Variants in KRT3 observed in about 807,000 individuals in gnomAD.
The protein encoded by KRT3 is keratin 3.
A neutral mutation model predicts 45.8 loss-of-function variants in KRT3; 34 were observed. The observed-to-expected ratio is 0.74, with a 90% CI of 0.57 to 0.99. KRT3 has a LOEUF of 0.99. Among genes scored for constraint, KRT3 ranks in the 50% least tolerant of loss-of-function variants. The pLI is 0.00. For missense variants in KRT3, 828 were observed against 820.6 expected, an observed-to-expected ratio of 1.01 and a Z score of -0.11; for synonymous variants, 367 against 329.0, an observed-to-expected ratio of 1.12 and a Z score of -1.25.
rs752720864 is a variant in KRT3 at position 52,795,498 on chromosome 12, G to T, written c.545C>A (p.Pro182His). ...EVTINQSLLQ[P>H]LNVEIDPQIG... Reference sequence around the variant, plus strand: ...CTGGGGGTCGATCTCCACATTGAGGGGCTGCAGGAGACTCTGGTTGATAGT... The same window carrying T: ...CTGGGGGTCGATCTCCACATTGAGGTGCTGCAGGAGACTCTGGTTGATAGT... Residue 182 changes from proline to histidine, a missense_variant, in exon 1 of 9, where the codon CCC (proline) becomes CAC (histidine). Physicochemically the swap from Pro to His is moderately conservative, Grantham distance 77 (BLOSUM62 -2). Coordinates refer to ENST00000417996, the MANE Select transcript of KRT3 (RefSeq NM_057088.3). 5.0e-5 allele frequency: 80 copies of T among 1,613,946 alleles called. No homozygotes were observed. The East Asian group carries it at 1.7e-3, about 35-fold the overall frequency.
intron 8 of KRT3, among the ~76,000 whole-genome samples, 175 bp downstream of exon 8, chr12:52,790,663 C>G (rs1279318065): frequency 6.6e-6 from 1 of 152,176 alleles, no homozygotes; most frequent in African/African-American, 2.4e-5. Flanking sequence ...CCGTCGAAGC[C>G]TATTAAAAGT....
Position 52,792,303 on chromosome 12 carries a change from C to G in KRT3, c.1124G>C (p.Arg375Pro). 1 of 1,614,104 alleles carries G rather than the reference C, an allele frequency of 6.2e-7. No individual in the cohort carries two copies. Among genetic ancestry groups the G allele is most frequent in the South Asian group, 1.1e-5 (1 of 91,068 alleles). Residue 375 changes from arginine (R) to proline (P), a missense_variant, in exon 5 of 9, where the codon CGT becomes CCT. Transcript: ENST00000417996. The stretch of plus-strand genomic sequence containing the variant: ...CTGAGCGATATCCTCATACTGTGCA[C>G]GAACTTCAGCAATGATGCTGTCCAG... ...LDLDSIIAEV[R>P]AQYEDIAQRS...
rs369797699 is a variant in KRT3 at position 52,791,720 on chromosome 12, G to T, written c.1285C>A (p.Arg429=). 4 of 1,614,034 alleles carry T rather than the reference G, an allele frequency of 2.5e-6. No individual in the cohort carries two copies. The Admixed American group carries it at 6.7e-5, about 27-fold the overall frequency. Residue 429 remains arginine (R), a synonymous_variant, in exon 6 of 9, where the codon CGG becomes AGG. Coordinates refer to ENST00000417996, the MANE Select transcript of KRT3 (RefSeq NM_057088.3). ...IELNRMIQRL[R]AEIEGVKKQN... is the part of the protein sequence containing the mutation. Reference sequence around the variant, plus strand: ...TTCTTGACACCCTCGATCTCTGCCCGCAGCCTCTGGATCATTCTGTTGAGC... The same window carrying T: ...TTCTTGACACCCTCGATCTCTGCCCTCAGCCTCTGGATCATTCTGTTGAGC...
intron 1 of KRT3, 138 bp downstream of exon 1, chr12:52,795,260 T>C: frequency 9.4e-7 from 1 of 1,062,538 alleles, no homozygotes; most frequent in Non-Finnish European, 1.4e-6. Context: ...ACCCTGGATA[T>C]CTTCCCAGAC....
intron 5 of KRT3, 42 bp from the exon 6 acceptor site, chr12:52,791,858 C>T (rs1939517738): frequency 6.3e-7 from 1 of 1,594,204 alleles, no homozygotes; most frequent in Non-Finnish European, 8.6e-7. Context: ...TGCAGCTTTG[C>T]TTGACTTGTT....
chr12:52,795,472 T>A lies in KRT3; in HGVS notation c.571A>T (p.Ile191Phe), dbSNP rs1385304176. The A allele has an allele frequency of 1.2e-6, 2 of 1,613,878 alleles. No homozygotes were observed. Among genetic ancestry groups the A allele is most frequent in the Non-Finnish European group, 1.7e-6 (2 of 1,180,002 alleles). ...QPLNVEIDPQ[I>F]GQVKAQEREQ... ...CGCTCCTGGGCCTTTACTTGCCCAA[T>A]CTGGGGGTCGATCTCCACATTGAGG... Residue 191 changes from isoleucine (I) to phenylalanine (F), a missense_variant, in exon 1 of 9, where the codon ATT becomes TTT. Coordinates refer to ENST00000417996, the MANE Select transcript of KRT3 (RefSeq NM_057088.3).
Position 52,790,316 on chromosome 12 carries a change from T to TA in KRT3, c.1612dup (p.Tyr538LeufsTer190). 6.3e-7 allele frequency: 1 copy of TA among 1,584,750 alleles called. No homozygotes were observed. Among genetic ancestry groups the TA allele is most frequent in the Non-Finnish European group, 8.6e-7 (1 of 1,165,024 alleles). On this transcript the variant is annotated frameshift_variant, in exon 9 of 9. Transcript: ENST00000417996. LOFTEE classifies it low-confidence loss of function (END_TRUNC). Reference sequence around the variant, plus strand: ...CATGCCTCCGCCGTAACCTCCTCCATAGCCACCTGCGGAGGCGGAAGTCGT... The same window carrying TA: ...CATGCCTCCGCCGTAACCTCCTCCATAAGCCACCTGCGGAGGCGGAAGTCGT...
rs1592301518 is a variant in KRT3, at chr12:52,791,703, A to T, written c.1302T>A (p.Gly434=). ...MIQRLRAEIE[G]VKKQNANLQT... The stretch of plus-strand genomic sequence containing the variant: ...ATGACCATCCCACCTGCTTCTTGAC[A>T]CCCTCGATCTCTGCCCGCAGCCTCT... The change falls in exon 6 of 9, where the codon GGT becomes GGA. Residue 434 remains glycine, a synonymous_variant. Transcript: ENST00000417996. 6.2e-7 allele frequency: 1 copy of T among 1,613,676 alleles called. No homozygotes were observed. Among genetic ancestry groups the T allele is most frequent in the East Asian group, 2.2e-5 (1 of 44,860 alleles).
At chr12:52,790,512 A>G (rs1255930358) in intron 8 of KRT3, among the ~76,000 whole-genome samples, 154 bp from the exon 9 acceptor site, 7 of 151,650 alleles carry the variant, frequency 4.6e-5, no homozygotes, top group African/African-American at 1.5e-4. Flanking sequence ...GCCACTAGCT[A>G]CTCACTCCCC....
chr12:52,795,287 A>T, intron 1 of KRT3, 111 bp downstream of exon 1: 2 of 1,325,158 alleles, frequency 1.5e-6, no homozygotes, highest in Non-Finnish European at 1.1e-6. Flanking sequence ...GTTCCACCTA[A>T]CTCCTCACCC....
chr12:52,791,614 C>A (rs1271035949), intron 6 of KRT3, 77 bp downstream of exon 6: 2 of 1,586,610 alleles, frequency 1.3e-6, no homozygotes, highest in African/African-American at 1.3e-5. Context: ...GACGTCTATT[C>A]CAGGGGAGGA....
chr12:52,796,101 G>T lies in KRT3; in HGVS notation c.-59C>A. On this transcript the variant is annotated 5_prime_UTR_variant, in exon 1 of 9. Transcript: ENST00000417996. ...TAAGCAGGGACACTGAGAGTCAGAGGAAGAGGGATGGGAAATGAAGACCTG... is the reference window on the plus strand; with the variant it reads ...TAAGCAGGGACACTGAGAGTCAGAGTAAGAGGGATGGGAAATGAAGACCTG... The T allele has an allele frequency of 6.4e-7, 1 of 1,571,122 alleles. No individual in the cohort carries two copies. Among genetic ancestry groups the T allele is most frequent in the Non-Finnish European group, 8.7e-7 (1 of 1,148,524 alleles).
At position 52,792,325 on chromosome 12, in the gene KRT3, C is replaced by T. The variant is rs200059777; in HGVS notation, c.1102G>A (p.Asp368Asn). 3.7e-6 allele frequency: 6 copies of T among 1,614,028 alleles called. No homozygotes were observed. Among genetic ancestry groups the T allele is most frequent in the East Asian group, 4.5e-5 (2 of 44,866 alleles). Residue 368 changes from aspartate to asparagine, a missense_variant, in exon 5 of 9, where the codon GAC (aspartate) becomes AAC (asparagine). Physicochemically the swap from Asp to Asn is conservative, Grantham distance 23. Coordinates refer to ENST00000417996, the MANE Select transcript of KRT3 (RefSeq NM_057088.3). ...GCACGAACTTCAGCAATGATGCTGT[C>T]CAGGTCCAGGGAGCGATTATTGTCC... ...SMDNNRSLDLDSIIAEVRAQY... is the reference protein window; with the variant it reads ...SMDNNRSLDLNSIIAEVRAQY...
chr12:52,793,780 T>C (rs571232356), intron 2 of KRT3, among the ~76,000 whole-genome samples: 3 of 152,214 alleles, frequency 2.0e-5, no homozygotes, highest in East Asian at 3.9e-4. Context: ...TTAGTAGAGA[T>C]GATATTTCGC....
chr12:52,795,438 A>T lies in KRT3; in HGVS notation c.605T>A (p.Ile202Asn). ...GGCAAACTTGTTGTTGAGGGTCTTG[A>T]TCTGTTCCCGCTCCTGGGCCTTTAC... is the stretch of plus-strand genomic sequence containing the variant. ...GQVKAQEREQIKTLNNKFASF... is the reference protein window; with the variant it reads ...GQVKAQEREQNKTLNNKFASF... Residue 202 changes from isoleucine to asparagine, a missense_variant, in exon 1 of 9, where the codon ATC (isoleucine) becomes AAC (asparagine). Physicochemically the swap from Ile to Asn is moderately radical, Grantham distance 149. Coordinates refer to ENST00000417996, the MANE Select transcript of KRT3 (RefSeq NM_057088.3). 6.2e-7 allele frequency: 1 copy of T among 1,614,084 alleles called. No homozygotes were observed. The highest frequency in any genetic ancestry group is 8.5e-7 in the Non-Finnish European group (1 of 1,180,012).
intron 1 of KRT3, among the ~76,000 whole-genome samples, chr12:52,794,647 C>T (rs1043883876): frequency 6.6e-6 from 1 of 152,200 alleles, no homozygotes; most frequent in Non-Finnish European, 1.5e-5. Flanking sequence ...ACAGTACACT[C>T]TACAAAAATG....
intron 1 of KRT3, among the ~76,000 whole-genome samples, chr12:52,794,671 G>A (rs7314825): frequency 0.035 from 5,388 of 152,214 alleles, 315 homozygotes; most frequent in African/African-American, 0.12. Context: ...ATAAACCTCA[G>A]CAGCACCATT....
Position 52,790,150 on chromosome 12 carries a change from A to G in KRT3, c.1779T>C (p.Ser593=). Residue 593 remains serine, a synonymous_variant, in exon 9 of 9, where the codon TCT becomes TCC. Transcript: ENST00000417996. The part of the protein sequence containing the change: ...FSGGSGFGSI[S]GARYGVSGGG... ...CGCCACTGACTCCATAGCGGGCGCC[A>G]GAGATGGAGCCAAAGCCGCTGCCAC... 6.9e-7 allele frequency: 1 copy of G among 1,455,078 alleles called. No individual in the cohort carries two copies. Among genetic ancestry groups the G allele is most frequent in the Non-Finnish European group, 9.2e-7 (1 of 1,083,684 alleles). 90.1% of individuals were successfully genotyped at this position (1,455,078 alleles called of 1,614,324 possible).
At position 52,789,972 on chromosome 12, in the gene KRT3, T is replaced by C; in HGVS notation, c.*70A>G. The C allele has an allele frequency of 7.0e-7, 1 of 1,436,166 alleles. No individual in the cohort carries two copies. Among genetic ancestry groups the C allele is most frequent in the Non-Finnish European group, 9.5e-7 (1 of 1,056,268 alleles). The allele number at this position is 1,436,166 out of a possible 1,614,324, so 89.0% of individuals were successfully genotyped here. On this transcript the variant is annotated 3_prime_UTR_variant, in exon 9 of 9. Coordinates refer to ENST00000417996, the MANE Select transcript of KRT3 (RefSeq NM_057088.3). ...GGGGAGCATGGGGTGGCGCTGGGGG[T>C]GTTGCCAATATGGGGGCGTGGGGAG...
Sources: allele counts gnomAD v4.1 joint callset (sites outside exome capture counted in the v4.1 genomes callset), GRCh38; gene constraint gnomAD v4.1.1; transcripts MANE v1.5; gene names NCBI Gene and HGNC (gene_info 2026-07-23, HGNC 2026-07-21).